Variants in KCNT2 observed in about 807,000 individuals in gnomAD.
KCNT2 encodes potassium channel subfamily T member 2.
In KCNT2, 67 loss-of-function variants were observed where a neutral mutation model predicts 153.8. The ratio of observed to expected loss-of-function variants is 0.44; its 90% CI spans 0.36 to 0.53. The LOEUF (loss-of-function observed/expected upper bound fraction) is 0.53, where lower values mean the gene tolerates loss of function less well. Ranked by LOEUF, KCNT2 falls within the 20% of genes least tolerant of loss-of-function variation. The pLI is 0.00. For synonymous variants in KCNT2, 500 were observed against 458.8 expected, an observed-to-expected ratio of 1.09 and a Z score of -1.15; for missense variants, 975 against 1,354.8, an observed-to-expected ratio of 0.72 and a Z score of 4.40.
At chr1:196,313,855 T>C (rs1363115387) in intron 21 of KCNT2, among the ~76,000 whole-genome samples, 1 of 151,646 alleles carries the variant, frequency 6.6e-6, no homozygotes, top group Non-Finnish European at 1.5e-5. Context: ...TTACTATATA[T>C]ATACCATAAA....
intron 27 of KCNT2, among the ~76,000 whole-genome samples, chr1:196,234,012 A>G (rs1654188616): frequency 6.6e-6 from 1 of 151,354 alleles, no homozygotes; most frequent in Non-Finnish European, 1.5e-5. Flanking sequence ...ACTATGCTTA[A>G]CAAGACTTCA....
rs750261314 is a variant in KCNT2 at position 196,319,518 on chromosome 1, G to A, written c.2314C>T (p.Pro772Ser). 1 of 1,610,172 alleles carries A rather than the reference G, an allele frequency of 6.2e-7. No individual in the cohort carries two copies. Among genetic ancestry groups the A allele is most frequent in the Non-Finnish European group, 8.5e-7 (1 of 1,177,478 alleles). The change falls in exon 20 of 28, where the codon CCA becomes TCA. Residue 772 changes from proline to serine, a missense_variant. This residue lies in a region of KCNT2 where 325 missense variants were observed against 388.1 expected (regional missense o/e 0.84). Transcript: ENST00000294725. ...GAGCCCACCATGTAGTAAACCATTG[G>A]AAACCAACAGATTGCATCCAGAAAA... The part of the protein sequence containing the change: ...MHFLDAICWF[P>S]MVYYMVGSID...
chr1:196,454,884 C>T (rs574901587), intron 8 of KCNT2, among the ~76,000 whole-genome samples: 2 of 152,038 alleles, frequency 1.3e-5, no homozygotes, highest in East Asian at 2.0e-4. Context: ...AGGTGTTGAC[C>T]AGCCCAGGCT....
At chr1:196,262,675 T>C (rs900192286) in intron 25 of KCNT2, among the ~76,000 whole-genome samples, 5 of 151,990 alleles carry the variant, frequency 3.3e-5, no homozygotes, top group Admixed American at 2.6e-4. Context: ...TTTCCAAAGC[T>C]CAATTTAATA....
Position 196,313,198 on chromosome 1 carries a change from A to G in KCNT2, c.2483+2694T>C, listed in dbSNP as rs1662362588. ...AAAAAGGTAGTAGGATCGGTGGATGACAGGTTCCAGTGTGGTCAAAGGACT... is the reference window on the plus strand; with the variant it reads ...AAAAAGGTAGTAGGATCGGTGGATGGCAGGTTCCAGTGTGGTCAAAGGACT... On this transcript the variant is annotated intron_variant, in intron 21 of 27. Coordinates refer to ENST00000294725, the MANE Select transcript of KCNT2 (RefSeq NM_198503.5). 2.6e-5 allele frequency among the ~76,000 whole-genome samples: 4 copies of G among 151,840 alleles called. No homozygotes were observed. The South Asian group carries it at 8.3e-4, about 32-fold the overall frequency.
intron 14 of KCNT2, among the ~76,000 whole-genome samples, chr1:196,370,215 G>A (rs555342677): frequency 3.0e-4 from 46 of 152,148 alleles, no homozygotes; most frequent in Non-Finnish European, 6.0e-4. Context: ...AAATAAAAAT[G>A]CTAATTTAAT....
chr1:196,409,868 G>A (rs924206127), intron 12 of KCNT2, among the ~76,000 whole-genome samples: 2 of 151,516 alleles, frequency 1.3e-5, no homozygotes, highest in African/African-American at 2.4e-5. Context: ...TTGAAAAACC[G>A]CCATATTGTT....
chr1:196,235,605 C>G (rs1042359187), intron 27 of KCNT2, among the ~76,000 whole-genome samples: 10 of 151,274 alleles, frequency 6.6e-5, no homozygotes, highest in Non-Finnish European at 1.0e-4. Context: ...AGAACTTTTT[C>G]TATTAAGTGT....
intron 22 of KCNT2, among the ~76,000 whole-genome samples, chr1:196,292,805 C>A (rs1660314454): frequency 1.1e-5 from 1 of 93,466 alleles, no homozygotes; most frequent in Non-Finnish European, 1.9e-5. Context: ...GAGTGAGACT[C>A]TGTCTCAAAA....
chr1:196,361,992 C>T (rs1667667320), intron 14 of KCNT2, among the ~76,000 whole-genome samples: 1 of 151,814 alleles, frequency 6.6e-6, no homozygotes, highest in South Asian at 2.1e-4. Context: ...TTTTATCCAC[C>T]TAAGGAGGAG....
intron 1 of KCNT2, among the ~76,000 whole-genome samples, chr1:196,552,790 G>T (rs1658093963): frequency 6.6e-6 from 1 of 151,312 alleles, no homozygotes; most frequent in Non-Finnish European, 1.5e-5. Context: ...AAAGTGTAGA[G>T]TTTTTAATAG....
intron 12 of KCNT2, among the ~76,000 whole-genome samples, chr1:196,406,945 T>G (rs755879070): frequency 6.6e-6 from 1 of 151,484 alleles, no homozygotes; most frequent in Non-Finnish European, 1.5e-5. Flanking sequence ...CAAGTCAACA[T>G]AATTGCCAAT....
At chr1:196,307,323 T>C (rs1007017296) in intron 21 of KCNT2, among the ~76,000 whole-genome samples, 1 of 152,102 alleles carries the variant, frequency 6.6e-6, no homozygotes, top group Non-Finnish European at 1.5e-5. Context: ...ACTTTTCTCC[T>C]GAATCTCTAT....
intron 26 of KCNT2, among the ~76,000 whole-genome samples, chr1:196,244,272 T>G (rs1016712072): frequency 6.6e-6 from 1 of 151,998 alleles, no homozygotes; most frequent in Non-Finnish European, 1.5e-5. Flanking sequence ...CATTCCCAGC[T>G]GTGGTGGTTA....
At position 196,338,948 on chromosome 1, in the gene KCNT2, C is replaced by CAAA. The variant is rs976388530; in HGVS notation, c.1783+1390_1783+1392dup. Among the ~76,000 whole-genome samples, 67 of 37,704 alleles carry CAAA rather than the reference C, an allele frequency of 1.8e-3. 4 individuals are homozygous for CAAA. The highest frequency in any genetic ancestry group is 3.4e-3 in the African/African-American group (46 of 13,446). The allele number at this position is 37,704 out of a possible 152,430, so 24.7% of individuals were successfully genotyped here. ...GATAATGGTGTCATCTGCTTTTTAG[C>CAAA]AAAAAAAAAAAAAAAAAAAAAAAAA... On this transcript the variant is annotated intron_variant, in intron 16 of 27. Transcript: ENST00000294725.
chr1:196,588,594 T>C (rs1662965859), intron 1 of KCNT2, among the ~76,000 whole-genome samples: 1 of 152,054 alleles, frequency 6.6e-6, no homozygotes, highest in Non-Finnish European at 1.5e-5. Context: ...GTAAATGTCC[T>C]TGTTTGCCTT....
intron 13 of KCNT2, among the ~76,000 whole-genome samples, chr1:196,380,462 T>C (rs988930467): frequency 6.6e-6 from 1 of 152,222 alleles, no homozygotes; most frequent in South Asian, 2.1e-4. Context: ...CATCACCTTA[T>C]ATTCTGAGCT....
Position 196,378,379 on chromosome 1 carries a change from T to A in KCNT2, c.1295-5131A>T, listed in dbSNP as rs531595212. On this transcript the variant is annotated intron_variant, in intron 13 of 27. Transcript: ENST00000294725. ...TAGATTATTAGGAGCCACATCTAGA[T>A]CCAACTTTACATTTTCCAGATATCC... Among the ~76,000 whole-genome samples, 72 of 152,256 alleles carry A rather than the reference T, an allele frequency of 4.7e-4. 1 individual carries two copies. In the South Asian group the frequency reaches 5.6e-3, roughly 12 times the overall value.
chr1:196,428,034 T>C (rs1673805760), intron 10 of KCNT2, 71 bp downstream of exon 10: 1 of 1,159,902 alleles, frequency 8.6e-7, no homozygotes, highest in South Asian at 1.4e-5. Context: ...GGCTGCACCA[T>C]CAGTTAATTG....
Sources: allele counts gnomAD v4.1 joint callset (sites outside exome capture counted in the v4.1 genomes callset), GRCh38; gene constraint gnomAD v4.1.1; regional missense constraint gnomAD v4.1.1; transcripts MANE v1.5; gene names NCBI Gene and HGNC (gene_info 2026-07-23, HGNC 2026-07-21).